Variants in LSM12 observed in about 807,000 individuals in gnomAD.
LSM12 encodes the protein protein LSM12.
For missense variants in LSM12, 108 were observed against 238.9 expected (o/e 0.45, Z 3.61); for synonymous variants, 74 against 87.3 (o/e 0.85, Z 0.85).
intron 1 of LSM12, among the ~76,000 whole-genome samples, chr17:44,066,244 C>G (rs2049873722): frequency 6.6e-6 from 1 of 152,202 alleles, no homozygotes; most frequent in Middle Eastern, 3.4e-3. Context: ...CGGTAAAGCC[C>G]CAGCTCCCGC....
In LSM12 at chr17:44,040,185, A is replaced by C; in HGVS notation, c.330T>G (p.Ser110=). The change falls in exon 3 of 5, where the codon TCT becomes TCG. Residue 110 remains serine (S), a synonymous_variant. Transcript: ENST00000293406. ...SQAYAISAGV[S]LEGQQLFQTI... is the part of the protein sequence containing the mutation. ...TCTGGAAGAGCTGCTGGCCCTCTAG[A>C]GAGACACCAGCACTGATTGCATAGG... 2.5e-6 allele frequency: 4 copies of C among 1,613,906 alleles called. No homozygotes were observed. The highest frequency in any genetic ancestry group is 3.4e-6 in the Non-Finnish European group (4 of 1,179,826).
intron 2 of LSM12, among the ~76,000 whole-genome samples, chr17:44,042,928 C>T (rs957864897): frequency 1.2e-4 from 18 of 152,196 alleles, no homozygotes; most frequent in African/African-American, 4.1e-4. Context: ...GTCTTGAACT[C>T]CTGAGCTCAG....
rs1200756528 is a variant in LSM12 at position 44,058,040 on chromosome 17, TC to T, written c.258+5760del. 5.3e-5 allele frequency among the ~76,000 whole-genome samples: 8 copies of T among 151,130 alleles called. No homozygotes were observed. In the East Asian group the frequency reaches 1.6e-3, roughly 30 times the overall value. ...TCATGAGGTCAGGAGATTGAGACCA[TC>T]CTAGCTAACACGGGGAAACCCTGTC... On this transcript the variant is annotated intron_variant, in intron 2 of 4. Coordinates refer to ENST00000293406, the MANE Select transcript of LSM12 (RefSeq NM_001371445.1).
intron 2 of LSM12, among the ~76,000 whole-genome samples, chr17:44,057,117 T>C (rs12944399): frequency 6.6e-6 from 1 of 150,860 alleles, no homozygotes; most frequent in Non-Finnish European, 1.5e-5. Flanking sequence ...GATAGAGCCA[T>C]GGCACTCCAG....
Sources: allele counts gnomAD v4.1 joint callset (sites outside exome capture counted in the v4.1 genomes callset), GRCh38; gene constraint gnomAD v4.1.1; transcripts MANE v1.5; gene names NCBI Gene and HGNC (gene_info 2026-07-23, HGNC 2026-07-21).